The following CCSER1 variants were observed in gnomAD, a reference collection of about 807,000 sequenced individuals.
The protein encoded by CCSER1 is coiled-coil serine rich protein 1.
A neutral mutation model predicts 82.0 loss-of-function variants in CCSER1; 41 were observed. The ratio of observed to expected loss-of-function variants is 0.50; its 90% confidence interval spans 0.39 to 0.65. The LOEUF is 0.65. CCSER1 is among the 30% of genes least tolerant of loss of function. CCSER1 has a pLI of 0.00. For synonymous variants in CCSER1, 414 were observed against 383.9 expected (o/e 1.08, Z -0.92); for missense variants, 1,119 against 1,064.2 (o/e 1.05, Z -0.72).
chr4:91,237,262 A>T (rs1241770646), intron 10 of CCSER1, among the ~76,000 whole-genome samples: 3 of 151,932 alleles, frequency 2.0e-5, no homozygotes, highest in Admixed American at 1.3e-4. Context: ...TGTTTTTTAG[A>T]GTTTAAGAAA....
At chr4:90,583,508 A>G (rs1168255828) in intron 5 of CCSER1, among the ~76,000 whole-genome samples, 3 of 152,128 alleles carry the variant, frequency 2.0e-5, no homozygotes, top group Non-Finnish European at 4.4e-5. Context: ...TGAATTCTGT[A>G]TAAGAATTCA....
At chr4:91,458,823 G>A (rs10013671) in intron 10 of CCSER1, among the ~76,000 whole-genome samples, 127,561 of 152,080 alleles carry the variant, frequency 0.84, 53,978 homozygotes, top group African/African-American at 0.94. Flanking sequence ...TAGAAATGCT[G>A]TTGACTTTTG....
chr4:90,640,412 G>A (rs1021388022), intron 6 of CCSER1, among the ~76,000 whole-genome samples: 1 of 152,066 alleles, frequency 6.6e-6, no homozygotes, highest in Non-Finnish European at 1.5e-5. Flanking sequence ...GGTTAATCAA[G>A]AATGATAAAC....
rs149486857 is a variant in CCSER1 at position 90,997,192 on chromosome 4, G to C, written c.2172+73745G>C. 2.1e-3 allele frequency among the ~76,000 whole-genome samples: 321 copies of C among 152,230 alleles called. 1 individual carries two copies. The highest frequency in any genetic ancestry group is 0.014 in the Middle Eastern group (4 of 294). The stretch of plus-strand genomic sequence containing the variant: ...TGTTCCTTCTGGAGGTTGTAGGGGA[G>C]AGTCGGCTTCCTAGTTTTTTCCAGC... On this transcript the variant is annotated intron_variant, in intron 9 of 10. Transcript: ENST00000509176.
At chr4:90,553,847 T>A (rs1777812618) in intron 5 of CCSER1, among the ~76,000 whole-genome samples, 1 of 152,180 alleles carries the variant, frequency 6.6e-6, no homozygotes, top group Non-Finnish European at 1.5e-5. Context: ...TTTTCTCATG[T>A]GTAAAATGAT....
Position 91,298,692 on chromosome 4 carries a change from T to C in CCSER1, c.2217+212698T>C, listed in dbSNP as rs578030415. 5.9e-5 allele frequency among the ~76,000 whole-genome samples: 9 copies of C among 152,148 alleles called. No individual in the cohort carries two copies. In the South Asian group the frequency reaches 1.5e-3, roughly 25 times the overall value. On this transcript the variant is annotated intron_variant, in intron 10 of 10. Transcript: ENST00000509176. ...TTCTTTACAGTTTTAAGTTAAACTTTGGCAAGTTCTTTTGTTGAGCATGGA... is the reference window on the plus strand; with the variant it reads ...TTCTTTACAGTTTTAAGTTAAACTTCGGCAAGTTCTTTTGTTGAGCATGGA...
intron 10 of CCSER1, among the ~76,000 whole-genome samples, chr4:91,531,655 C>G (rs900387122): frequency 6.6e-6 from 1 of 152,260 alleles, no homozygotes; most frequent in Middle Eastern, 3.4e-3. Flanking sequence ...GCTCACAGTT[C>G]TGGAGACTGG....
chr4:90,422,236 A>T (rs1312599444), intron 4 of CCSER1, among the ~76,000 whole-genome samples: 1 of 152,180 alleles, frequency 6.6e-6, no homozygotes, highest in African/African-American at 2.4e-5. Flanking sequence ...GATTATTATC[A>T]GGGTTTGTGT....
intron 10 of CCSER1, among the ~76,000 whole-genome samples, chr4:91,490,948 AC>A (rs1758507097): frequency 9.2e-6 from 1 of 108,200 alleles, no homozygotes; most frequent in Non-Finnish European, 1.9e-5. Flanking sequence ...TCTACTATGT[AC>A]CCATAAAAAT....
chr4:90,239,540 CA>C (rs1270354516), intron 1 of CCSER1, among the ~76,000 whole-genome samples: 1 of 152,186 alleles, frequency 6.6e-6, no homozygotes, highest in Non-Finnish European at 1.5e-5. Context: ...CTCACTCTGT[CA>C]CTTAGGCTGG....
At chr4:90,128,500 T>TGC (rs1203541240) in intron 1 of CCSER1, among the ~76,000 whole-genome samples, 1 of 151,084 alleles carries the variant, frequency 6.6e-6, no homozygotes, top group African/African-American at 2.4e-5. Flanking sequence ...TGTGCGTGTG[T>TGC]GTGTGTGTGT....
intron 1 of CCSER1, among the ~76,000 whole-genome samples, chr4:90,205,344 C>G (rs1312243503): frequency 6.6e-6 from 1 of 152,068 alleles, no homozygotes. Context: ...ATAAAGAGCT[C>G]TTATTATTTT....
chr4:91,545,109 G>A (rs1198556365), intron 10 of CCSER1, among the ~76,000 whole-genome samples: 6 of 152,140 alleles, frequency 3.9e-5, no homozygotes, highest in African/African-American at 1.2e-4. Flanking sequence ...GGCTCCGTGA[G>A]CTTGGGACCC....
chr4:91,344,543 G>A (rs565977780), intron 10 of CCSER1, among the ~76,000 whole-genome samples: 4 of 152,120 alleles, frequency 2.6e-5, no homozygotes, highest in South Asian at 2.1e-4. Flanking sequence ...ATAATGCAGA[G>A]CTTCCTGTGG....
chr4:90,448,444 A>AAC (rs71596528), intron 4 of CCSER1, among the ~76,000 whole-genome samples: 1 of 44,074 alleles, frequency 2.3e-5, no homozygotes, highest in African/African-American at 5.6e-5. Context: ...AGGTGAATTG[A>AAC]ATATATATAT....
chr4:90,852,738 T>A (rs1202355081), intron 8 of CCSER1, among the ~76,000 whole-genome samples: 1 of 152,216 alleles, frequency 6.6e-6, no homozygotes, highest in Non-Finnish European at 1.5e-5. Flanking sequence ...GTAGGACAAT[T>A]AATTGACAAG....
At chr4:90,712,615 G>GT (rs1254462173) in intron 6 of CCSER1, among the ~76,000 whole-genome samples, 1 of 151,918 alleles carries the variant, frequency 6.6e-6, no homozygotes, top group Non-Finnish European at 1.5e-5. Context: ...ATACACTGTT[G>GT]TTTTGGGGTG....
chr4:91,196,178 C>CAAAAAAAAAAAAAAA (rs61336014), intron 10 of CCSER1, among the ~76,000 whole-genome samples: 2 of 60,824 alleles, frequency 3.3e-5, no homozygotes, highest in African/African-American at 8.5e-5. Context: ...AACAGCGAGA[C>CAAAAAAAAAAAAAAA]AAAAAAAAAA....
At chr4:91,148,528 G>A (rs10001397) in intron 10 of CCSER1, among the ~76,000 whole-genome samples, 110,882 of 151,836 alleles carry the variant, frequency 0.73, 40,736 homozygotes, top group Non-Finnish European at 0.78. Context: ...GTTCATGTGC[G>A]CAACGTGCAG....
Sources: allele counts gnomAD v4.1 joint callset (sites outside exome capture counted in the v4.1 genomes callset), GRCh38; gene constraint gnomAD v4.1.1; transcripts MANE v1.5; gene names NCBI Gene and HGNC (gene_info 2026-07-23, HGNC 2026-07-21).